Variants in C9orf85 observed in about 807,000 individuals in gnomAD.
C9orf85 encodes chromosome 9 open reading frame 85.
In C9orf85, 16 loss-of-function variants were observed where a neutral mutation model predicts 14.9. That is an observed-to-expected ratio of 1.08 (90% CI 0.73 to 1.63). C9orf85 has a LOEUF of 1.63. C9orf85 is among the 40% of genes most tolerant of loss of function. The pLI, the probability that C9orf85 is intolerant of heterozygous loss-of-function variation, is 0.00. For synonymous variants in C9orf85, 45 were observed against 56.8 expected, an observed-to-expected ratio of 0.79 and a Z score of 0.93; for missense variants, 172 against 186.1, an observed-to-expected ratio of 0.92 and a Z score of 0.44.
Position 71,951,089 on chromosome 9 carries a change from A to T in C9orf85, c.209+3977A>T, listed in dbSNP as rs766156621. 8.0e-4 allele frequency among the ~76,000 whole-genome samples: 122 copies of T among 152,146 alleles called. 1 individual carries two copies. Among genetic ancestry groups the T allele is most frequent in the Admixed American group, 3.2e-3 (49 of 15,258 alleles). On this transcript the variant is annotated intron_variant, in intron 2 of 3. Coordinates refer to ENST00000334731, the MANE Select transcript of C9orf85 (RefSeq NM_182505.5). ...TTACTGCGTTCGTAGCTGACAGAAT[A>T]TTGCATGTTTCTCTTTTTCTTTTTT...
intron 1 of C9orf85, among the ~76,000 whole-genome samples, chr9:71,934,133 C>T (rs922860792): frequency 2.0e-5 from 3 of 152,146 alleles, no homozygotes; most frequent in Non-Finnish European, 2.9e-5. Context: ...CACTTGAGGT[C>T]AGGAGTTTGA....
chr9:71,958,504 C>G (rs370588567), intron 2 of C9orf85, among the ~76,000 whole-genome samples: 24 of 151,832 alleles, frequency 1.6e-4, no homozygotes, highest in Admixed American at 3.9e-4. Context: ...TCAGGTGATC[C>G]GCCCGCCTCA....
At chr9:71,950,300 G>A (rs1822211656) in intron 2 of C9orf85, among the ~76,000 whole-genome samples, 1 of 152,172 alleles carries the variant, frequency 6.6e-6, no homozygotes, top group Admixed American at 6.5e-5. Flanking sequence ...TTTTGTTCAA[G>A]CTAATCACTT....
intron 3 of C9orf85, among the ~76,000 whole-genome samples, chr9:71,979,214 A>T (rs540653139): frequency 6.6e-6 from 1 of 152,200 alleles, no homozygotes; most frequent in Non-Finnish European, 1.5e-5. Flanking sequence ...TCTGAGGCAG[A>T]ATGATCTGAA....
At chr9:71,928,701 CAG>C (rs1433149360) in intron 1 of C9orf85, among the ~76,000 whole-genome samples, 1 of 152,126 alleles carries the variant, frequency 6.6e-6, no homozygotes, top group Non-Finnish European at 1.5e-5. Context: ...CAATAAATAA[CAG>C]TACCACTTAT....
Position 71,918,493 on chromosome 9 carries a change from C to T in C9orf85, c.102+6657C>T, listed in dbSNP as rs972775065. On this transcript the variant is annotated intron_variant, in intron 1 of 3. Transcript: ENST00000334731. ...CTGTGGAGCAGGGGTCCCCAGCCCC[C>T]GACCCCCGCATCGGTCCATGGCCTG... The T allele has an allele frequency of 1.2e-5, 16 of 1,282,116 alleles. 1 individual carries two copies. Among genetic ancestry groups the T allele is most frequent in the South Asian group, 1.1e-4 (9 of 80,042 alleles). 79.4% of individuals were successfully genotyped at this position (1,282,116 alleles called of 1,614,324 possible). A position where few individuals can be genotyped will look rare whatever the true frequency, so the allele number is the denominator to read the frequency against.
intron 2 of C9orf85, among the ~76,000 whole-genome samples, chr9:71,950,500 T>C (rs1822217134): frequency 6.6e-6 from 1 of 152,138 alleles, no homozygotes; most frequent in African/African-American, 2.4e-5. Flanking sequence ...CTGGAGTAGC[T>C]GGGACTACAG....
chr9:71,961,549 A>T (rs1468414949), intron 2 of C9orf85, among the ~76,000 whole-genome samples: 1 of 152,102 alleles, frequency 6.6e-6, no homozygotes, highest in Non-Finnish European at 1.5e-5. Flanking sequence ...CAACAAAGTA[A>T]GACTCCGCCT....
rs1324788722 is a variant in C9orf85 at position 71,972,984 on chromosome 9, A to C, written c.*142A>C. 2 of 481,750 alleles carry C rather than the reference A, an allele frequency of 4.2e-6. No homozygotes were observed. Among genetic ancestry groups the C allele is most frequent in the Non-Finnish European group, 3.6e-6 (1 of 277,360 alleles). The allele number at this position is 481,750 out of a possible 1,614,324, so 29.8% of individuals were successfully genotyped here. A position where few individuals can be genotyped will look rare whatever the true frequency, so the allele number is the denominator to read the frequency against. On this transcript the variant is annotated 3_prime_UTR_variant, in exon 4 of 4. Transcript: ENST00000334731. The stretch of plus-strand genomic sequence containing the variant: ...CATGGCGGAACCCCATCTCCACTAA[A>C]AGTACAAAAAATTAGCTGGGCGTGG...
downstream of C9orf85, chr9:71,983,984 A>G (rs1564105897): frequency 6.6e-6 from 1 of 152,234 alleles, no homozygotes. Context: ...TTTGTGAAAG[A>G]AAAAAAGAAT....
At chr9:71,945,489 G>GT (rs967174026) in intron 1 of C9orf85, among the ~76,000 whole-genome samples, 6 of 152,130 alleles carry the variant, frequency 3.9e-5, no homozygotes, top group African/African-American at 1.4e-4. Context: ...TCATCACAAA[G>GT]TTAAACATAA....
chr9:71,916,477 T>TA (rs1827653983), intron 1 of C9orf85, among the ~76,000 whole-genome samples: 2 of 152,282 alleles, frequency 1.3e-5, no homozygotes, highest in South Asian at 4.1e-4. Context: ...GTTTTGCAGT[T>TA]AAAAAATTAT....
intron 1 of C9orf85, among the ~76,000 whole-genome samples, chr9:71,940,496 A>T (rs1159557389): frequency 2.0e-5 from 3 of 152,210 alleles, no homozygotes; most frequent in Non-Finnish European, 4.4e-5. Context: ...GATGTTCAAC[A>T]TTATTAGTTA....
At chr9:71,985,973 A>G (rs1240945467), downstream of C9orf85, 1 of 152,240 alleles carries the variant, frequency 6.6e-6, no homozygotes, top group African/African-American at 2.4e-5. Context: ...ATTTATTCAA[A>G]GAAATTAAAT....
chr9:71,945,263 T>C (rs1210461597), intron 1 of C9orf85, among the ~76,000 whole-genome samples: 1 of 152,246 alleles, frequency 6.6e-6, no homozygotes, highest in Non-Finnish European at 1.5e-5. Flanking sequence ...GCTTCTGCAT[T>C]TCTTAGCTAG....
chr9:71,952,621 C>G (rs1822278982), intron 2 of C9orf85, among the ~76,000 whole-genome samples: 1 of 152,152 alleles, frequency 6.6e-6, no homozygotes, highest in Admixed American at 6.6e-5. Context: ...CCTCAGCCTC[C>G]CCAAGTGCTG....
At chr9:71,946,637 C>T (rs1464426636) in intron 1 of C9orf85, among the ~76,000 whole-genome samples, 1 of 151,620 alleles carries the variant, frequency 6.6e-6, no homozygotes, top group Non-Finnish European at 1.5e-5. Flanking sequence ...TACTAAAATA[C>T]AAAAAATTAG....
At chr9:71,967,007 T>G (rs1216142686) in intron 2 of C9orf85, among the ~76,000 whole-genome samples, 1 of 152,246 alleles carries the variant, frequency 6.6e-6, no homozygotes, top group East Asian at 1.9e-4. Context: ...TTCAAAATAC[T>G]TAATAAGTTT....
At chr9:71,948,493 ACCC>A (rs918806414) in intron 2 of C9orf85, among the ~76,000 whole-genome samples, 1 of 151,054 alleles carries the variant, frequency 6.6e-6, no homozygotes, top group Admixed American at 6.6e-5. Flanking sequence ...GGTATAGTTG[ACCC>A]CCCTTTTGTT....
Sources: gnomAD v4.1 joint callset for allele counts (sites outside exome capture counted in the v4.1 genomes callset) on GRCh38, gnomAD v4.1.1 for gene constraint, MANE v1.5 for transcripts, NCBI Gene and HGNC (gene_info 2026-07-23, HGNC 2026-07-21) for gene names.